The following ATAD3A variants were observed in gnomAD, a reference collection of about 807,000 sequenced individuals.
The protein encoded by ATAD3A is ATPase family AAA domain containing 3A.
A neutral mutation model predicts 73.8 loss-of-function variants in ATAD3A; 46 were observed. The ratio of observed to expected loss-of-function variants is 0.62; its 90% CI spans 0.49 to 0.80. ATAD3A has a LOEUF of 0.80. Ranked by LOEUF, ATAD3A falls within the 30% of genes least tolerant of loss-of-function variation. ATAD3A has a pLI of 0.00. For missense variants in ATAD3A, 705 were observed against 838.0 expected (o/e 0.84, Z 1.96); for synonymous variants, 319 against 350.0 (o/e 0.91, Z 0.99).
At chr1:1,521,070 C>T (rs940345013) in intron 7 of ATAD3A, among the ~76,000 whole-genome samples, 9 of 151,944 alleles carry the variant, frequency 5.9e-5, no homozygotes, top group South Asian at 2.1e-4. Context: ...GAGGCAGAGG[C>T]GGGCGGATCA....
At position 1,534,109 on chromosome 1, in the gene ATAD3A, G is replaced by T; in HGVS notation, c.*37G>T. On this transcript the variant is annotated 3_prime_UTR_variant, in exon 16 of 16. Coordinates refer to ENST00000378756, the MANE Select transcript of ATAD3A (RefSeq NM_001170535.3). ...GATCCACAGCTCACGGAGCCTGGCC[G>T]CGGACCCCTCCCACCCCTGCCTTGC... is the stretch of plus-strand genomic sequence containing the variant. The T allele has an allele frequency of 6.2e-7, 1 of 1,613,054 alleles. No homozygotes were observed. The highest frequency in any genetic ancestry group is 8.5e-7 in the Non-Finnish European group (1 of 1,179,658).
intron 7 of ATAD3A, among the ~76,000 whole-genome samples, chr1:1,521,259 A>C (rs1280356957): frequency 1.5e-5 from 2 of 133,870 alleles, no homozygotes; most frequent in African/African-American, 5.7e-5. Flanking sequence ...AGATCACGCT[A>C]CTGCACTCCA....
chr1:1,517,383 C>T lies in ATAD3A; in HGVS notation c.355C>T (p.Leu119=). The change falls in exon 3 of 16, where the codon CTG becomes TTG. Residue 119 remains leucine (L), a synonymous_variant. Transcript: ENST00000378756. ...GCAGGCTGAGGAGAGGAGGAAGACC[C>T]TGAGCGAGGAGACCCGGCAGCACCA... ...RAQAEERRKT[L]SEETRQHQAR... is the part of the protein sequence containing the mutation. 6.5e-7 allele frequency: 1 copy of T among 1,528,480 alleles called. No individual in the cohort carries two copies. Among genetic ancestry groups the T allele is most frequent in the Non-Finnish European group, 8.8e-7 (1 of 1,139,500 alleles). 94.7% of individuals were successfully genotyped at this position (1,528,480 alleles called of 1,614,324 possible).
chr1:1,512,204 C>T lies in ATAD3A; in HGVS notation c.-65C>T, dbSNP rs558471838. On this transcript the variant is annotated 5_prime_UTR_variant, in exon 1 of 16. Coordinates refer to ENST00000378756, the MANE Select transcript of ATAD3A (RefSeq NM_001170535.3). Reference sequence around the variant, plus strand: ...GCTCGCGGCGCGTGGAGGCTGCTCCCAGCCGCGCGCGAGTCAGACTCGGGT... The same window carrying T: ...GCTCGCGGCGCGTGGAGGCTGCTCCTAGCCGCGCGCGAGTCAGACTCGGGT... 118 of 1,236,624 alleles carry T rather than the reference C, an allele frequency of 9.5e-5. 1 individual carries two copies. In the African/African-American group the frequency reaches 1.6e-3, roughly 17 times the overall value. The allele number at this position is 1,236,624 out of a possible 1,614,324, so 76.6% of individuals were successfully genotyped here.
intron 15 of ATAD3A, 126 bp downstream of exon 15, chr1:1,529,457 A>T (rs1353028593): frequency 2.7e-6 from 4 of 1,466,472 alleles, no homozygotes; most frequent in Admixed American, 4.9e-5. Flanking sequence ...TTCAGTGCAC[A>T]GAGGTGACAC....
chr1:1,514,631 C>T (rs1033139434), intron 1 of ATAD3A, among the ~76,000 whole-genome samples: 53 of 152,356 alleles, frequency 3.5e-4, no homozygotes, highest in African/African-American at 1.2e-3. Flanking sequence ...GTCGCTGCCT[C>T]TGTCTAAATG....
chr1:1,524,202 G>A lies in ATAD3A; in HGVS notation c.1090-71G>A, dbSNP rs7522558. ...ACGCTGGGCAGAGCCTCCACACTCC[G>A]GGTGGAGTGTGCAGGCTTTGCAGAG... On this transcript the variant is annotated intron_variant, in intron 10 of 15. Coordinates refer to ENST00000378756, the MANE Select transcript of ATAD3A (RefSeq NM_001170535.3). 0.095 allele frequency: 147,640 copies of A among 1,561,332 alleles called. 20,044 individuals are homozygous for A. The highest frequency in any genetic ancestry group is 0.6 in the African/African-American group (42,862 of 71,484).
rs374317889 is a variant in ATAD3A at position 1,520,629 on chromosome 1, C to T, written c.750+12C>T. 1.3e-5 allele frequency: 21 copies of T among 1,613,302 alleles called. No individual in the cohort carries two copies. The highest frequency in any genetic ancestry group is 4.0e-5 in the African/African-American group (3 of 75,050). On this transcript the variant is annotated intron_variant, in intron 7 of 15. Transcript: ENST00000378756. This position sits in a 1 kb window ranked among gnomAD's most constrained non-coding sequence, Gnocchi z 4.0. ...AAGTGACAGCCACGGTAAACATACTCATAAAACAGGGCTGGCAGGTGGCTG... is the reference window on the plus strand; with the variant it reads ...AAGTGACAGCCACGGTAAACATACTTATAAAACAGGGCTGGCAGGTGGCTG...
intron 7 of ATAD3A, among the ~76,000 whole-genome samples, chr1:1,521,858 C>A (rs1364735390): frequency 6.6e-6 from 1 of 151,802 alleles, no homozygotes; most frequent in Non-Finnish European, 1.5e-5. Flanking sequence ...CGTCACCACA[C>A]TCAGCTAATA....
intron 5 of ATAD3A, among the ~76,000 whole-genome samples, chr1:1,519,519 C>T (rs1393771911): frequency 1.6e-5 from 1 of 63,774 alleles, no homozygotes; most frequent in African/African-American, 6.0e-5. Context: ...TGAGCCTCTG[C>T]GTTCTGCCTA....
intron 7 of ATAD3A, among the ~76,000 whole-genome samples, chr1:1,521,565 C>T (rs946849431): frequency 7.9e-5 from 12 of 152,196 alleles, no homozygotes; most frequent in South Asian, 2.1e-4. Flanking sequence ...GTGGTGCCGG[C>T]GCCCAGAGCT....
intron 15 of ATAD3A, among the ~76,000 whole-genome samples, chr1:1,532,918 G>A (rs1293351225): frequency 3.3e-5 from 5 of 151,938 alleles, no homozygotes; most frequent in South Asian, 2.1e-4. Context: ...GTGCGGCTCC[G>A]GTCAGTGTCT....
rs765184665 is a variant in ATAD3A, at chr1:1,522,794, C to T, written c.801C>T (p.Ala267=). 1.2e-6 allele frequency: 2 copies of T among 1,609,370 alleles called. No individual in the cohort carries two copies. Among genetic ancestry groups the T allele is most frequent in the African/African-American group, 1.4e-5 (1 of 72,162 alleles). The change falls in exon 8 of 16, where the codon GCC becomes GCT. Residue 267 remains alanine (A), a synonymous_variant. Coordinates refer to ENST00000378756, the MANE Select transcript of ATAD3A (RefSeq NM_001170535.3). ...LAVGVYSAKN[A]TLVAGRFIEA... ...TTGGGGTCTACTCAGCCAAGAATGC[C>T]ACGCTTGTCGCCGGCCGCTTCATCG...
intron 12 of ATAD3A, 33 bp downstream of exon 12, chr1:1,525,324 G>GT: frequency 6.2e-7 from 1 of 1,613,420 alleles, no homozygotes; most frequent in Non-Finnish European, 8.5e-7. Flanking sequence ...CCACAATGGG[G>GT]TGGTGGGGTG....
At chr1:1,519,757 TC>T (rs1003401642) in intron 5 of ATAD3A, among the ~76,000 whole-genome samples, 21 of 148,594 alleles carry the variant, frequency 1.4e-4, no homozygotes, top group African/African-American at 4.7e-4. Flanking sequence ...CCTTCAGAAC[TC>T]CGCGTTCTGG....
At chr1:1,527,910 G>A (rs1332188883) in intron 14 of ATAD3A, 48 bp downstream of exon 14, 3 of 1,572,334 alleles carry the variant, frequency 1.9e-6, no homozygotes, top group Non-Finnish European at 2.6e-6. Flanking sequence ...CTCGCTCAGG[G>A]TCCACCCCGA....
chr1:1,534,587 C>A lies in ATAD3A; in HGVS notation c.*515C>A. The A allele has an allele frequency of 4.3e-6, 1 of 230,858 alleles. No individual in the cohort carries two copies. Among genetic ancestry groups the A allele is most frequent in the Non-Finnish European group, 7.9e-6 (1 of 126,290 alleles). 14.3% of individuals were successfully genotyped at this position (230,858 alleles called of 1,614,324 possible). A position where few individuals can be genotyped will look rare whatever the true frequency, so the allele number is the denominator to read the frequency against. On this transcript the variant is annotated 3_prime_UTR_variant, in exon 16 of 16. Transcript: ENST00000378756. ...CCCTGAGAGAGGAGGGAGGAGGGAA[C>A]CTGGCGGGGGTGTCTGAGGCCGCAC...
Position 1,520,143 on chromosome 1 carries a change from A to C in ATAD3A, c.517A>C (p.Thr173Pro). The change falls in exon 6 of 16, where the codon ACC becomes CCC. Residue 173 changes from threonine to proline, a missense_variant and splice_region_variant. Coordinates refer to ENST00000378756, the MANE Select transcript of ATAD3A (RefSeq NM_001170535.3). The surrounding 1 kb of genome is among the most constrained non-coding windows in gnomAD (Gnocchi z 4.0). ...GCTGCCCTGCCTCTCTGGGGCAGCCACCGTGGAGCGGGAGATGGAGCTGCG... is the reference window on the plus strand; with the variant it reads ...GCTGCCCTGCCTCTCTGGGGCAGCCCCCGTGGAGCGGGAGATGGAGCTGCG... ...VQKQEAMRRA[T>P]VEREMELRHK... 1 of 1,609,892 alleles carries C rather than the reference A, an allele frequency of 6.2e-7. No individual in the cohort carries two copies. Among genetic ancestry groups the C allele is most frequent in the East Asian group, 2.2e-5 (1 of 44,822 alleles).
Position 1,520,294 on chromosome 1 carries a change from T to C in ATAD3A, c.668T>C (p.Leu223Ser). 4.3e-6 allele frequency: 7 copies of C among 1,612,898 alleles called. No homozygotes were observed. The highest frequency in any genetic ancestry group is 5.9e-6 in the Non-Finnish European group (7 of 1,179,548). ...LKAAEHRQTV[L>S]ESIRTAGTLF... ...GCGGCCGAGCACCGTCAGACCGTCTTGGAGTCCATCAGGTGAGCACTGCCG... is the reference window on the plus strand; with the variant it reads ...GCGGCCGAGCACCGTCAGACCGTCTCGGAGTCCATCAGGTGAGCACTGCCG... The change falls in exon 6 of 16, where the codon TTG becomes TCG. Residue 223 changes from leucine to serine, a missense_variant. This residue lies in a region of ATAD3A where 315 missense variants were observed against 334.1 expected (regional missense o/e 0.94). Transcript: ENST00000378756. This position sits in a 1 kb window ranked among gnomAD's most constrained non-coding sequence, Gnocchi z 4.0.
Sources: gnomAD v4.1 joint callset for allele counts (sites outside exome capture counted in the v4.1 genomes callset) on GRCh38, gnomAD v4.1.1 for gene constraint, gnomAD v4.1.1 regional missense constraint, Gnocchi (gnomAD v3.1) non-coding constraint, MANE v1.5 for transcripts, NCBI Gene and HGNC (gene_info 2026-07-23, HGNC 2026-07-21) for gene names.